TRPV6: variants seen among roughly 807,000 people sequenced by gnomAD.
TRPV6 encodes the protein Alu-binding protein with zinc finger domain.
In TRPV6, 39 loss-of-function variants were observed where a neutral mutation model predicts 79.0. The ratio of observed to expected loss-of-function variants is 0.49; its 90% CI spans 0.38 to 0.64. The LOEUF (loss-of-function observed/expected upper bound fraction) is 0.64, where lower values mean the gene tolerates loss of function less well. Ranked by LOEUF, TRPV6 falls within the 30% of genes least tolerant of loss-of-function variation. TRPV6 has a pLI of 0.00. For missense variants in TRPV6, 813 were observed against 1,011.1 expected (o/e 0.80, Z 2.66); for synonymous variants, 373 against 391.9 (o/e 0.95, Z 0.57).
intron 1 of TRPV6, 29 bp downstream of exon 1, chr7:142,885,360 G>A (rs1248197302): frequency 6.3e-7 from 1 of 1,593,026 alleles, no homozygotes; most frequent in South Asian, 1.1e-5. Flanking sequence ...TGGGGAGGTG[G>A]GGAAGGGAGC....
At chr7:142,878,833 G>A (rs1795137002) in intron 1 of TRPV6, 1 of 152,206 alleles carries the variant, frequency 6.6e-6, no homozygotes, top group African/African-American at 2.4e-5. Flanking sequence ...AAATGGAAAT[G>A]CTCTGGCGGA....
Position 142,871,755 on chromosome 7 carries a change from T to A in TRPV6, c.2250A>T (p.Ile750=). 1 of 1,613,682 alleles carries A rather than the reference T, an allele frequency of 6.2e-7. No homozygotes were observed. The highest frequency in any genetic ancestry group is 8.5e-7 in the Non-Finnish European group (1 of 1,179,658). Residue 750 remains isoleucine (I), a synonymous_variant, in exon 15 of 15, where the codon ATA becomes ATT. Transcript: ENST00000359396. ...CCCCGTCCTCCAGACCCCTGTTGATTATCCCACGCAGGTCTCTCCTCAGGG... is the reference window on the plus strand; with the variant it reads ...CCCCGTCCTCCAGACCCCTGTTGATAATCCCACGCAGGTCTCTCCTCAGGG...
chr7:142,874,736 A>G (rs1262480466), intron 10 of TRPV6, 80 bp from the exon 11 acceptor site: 2 of 1,571,848 alleles, frequency 1.3e-6, no homozygotes, highest in Admixed American at 3.6e-5. Context: ...TAGCTGGGAA[A>G]GTACCCACAC....
chr7:142,878,209 A>G (rs1586191785), intron 1 of TRPV6, 183 bp from the exon 2 acceptor site: 2 of 605,942 alleles, frequency 3.3e-6, no homozygotes, highest in East Asian at 2.8e-5. Context: ...AGTAAATACA[A>G]TCAACTTTTT....
Position 142,873,686 on chromosome 7 carries a change from G to C in TRPV6, c.1670C>G (p.Pro557Arg). 1 of 1,614,176 alleles carries C rather than the reference G, an allele frequency of 6.2e-7. No homozygotes were observed. The highest frequency in any genetic ancestry group is 8.5e-7 in the Non-Finnish European group (1 of 1,180,030). The change falls in exon 13 of 15, where the codon CCC (proline) becomes CGC (arginine). Residue 557 changes from proline (P) to arginine (R), a missense_variant. This residue lies in a region of TRPV6 where 94 missense variants were observed against 194.0 expected (regional missense o/e 0.48). Transcript: ENST00000359396. The surrounding 1 kb of genome is among the most constrained non-coding windows in gnomAD (Gnocchi z 4.8). ...GTCGTAGAAGTGGCCTAGCTCCTCGGGGTCCTCTGTCTGGAAGATGATATA... is the reference window on the plus strand; with the variant it reads ...GTCGTAGAAGTGGCCTAGCTCCTCGCGGTCCTCTGTCTGGAAGATGATATA...
intron 1 of TRPV6, chr7:142,878,636 C>T (rs992890689): frequency 1.3e-5 from 2 of 153,584 alleles, no homozygotes; most frequent in Non-Finnish European, 2.9e-5. Context: ...GAACAGTGGA[C>T]CATAAGAACA....
chr7:142,874,873 A>G (rs757991354), intron 10 of TRPV6, 31 bp downstream of exon 10: 1 of 1,612,834 alleles, frequency 6.2e-7, no homozygotes, highest in East Asian at 2.2e-5. Context: ...CTGTTGAGGG[A>G]AGGGATGGGA....
In TRPV6 at chr7:142,877,867, C is replaced by T. The variant is rs1795111083; in HGVS notation, c.346+62G>A. 1.9e-5 allele frequency: 30 copies of T among 1,612,896 alleles called. 1 individual carries two copies. The South Asian group carries it at 3.0e-4, about 16-fold the overall frequency. The stretch of plus-strand genomic sequence containing the variant: ...GGCCAACAGCACGAGGTCCTGGGCA[C>T]TCCTGGGAGGCCCCATGTGTGGGGC... On this transcript the variant is annotated intron_variant, in intron 2 of 14. Transcript: ENST00000359396.
Position 142,873,821 on chromosome 7 carries a change from A to C in TRPV6, c.1640-105T>G. 2 of 1,501,044 alleles carry C rather than the reference A, an allele frequency of 1.3e-6. No individual in the cohort carries two copies. The highest frequency in any genetic ancestry group is 1.8e-6 in the Non-Finnish European group (2 of 1,093,682). 93.0% of individuals were successfully genotyped at this position (1,501,044 alleles called of 1,614,324 possible). A position where few individuals can be genotyped will look rare whatever the true frequency, so the allele number is the denominator to read the frequency against. ...ATCCTGGTCCCTTCATCTCAATATCACCAGCTCTGCAGTGCTCCAAACTTT... is the reference window on the plus strand; with the variant it reads ...ATCCTGGTCCCTTCATCTCAATATCCCCAGCTCTGCAGTGCTCCAAACTTT... On this transcript the variant is annotated intron_variant, in intron 12 of 14. Coordinates refer to ENST00000359396, the MANE Select transcript of TRPV6 (RefSeq NM_018646.6). This position sits in a 1 kb window ranked among gnomAD's most constrained non-coding sequence, Gnocchi z 4.8.
rs1390210288 is a variant in TRPV6 at position 142,873,913 on chromosome 7, C to G, written c.1639+163G>C. On this transcript the variant is annotated intron_variant, in intron 12 of 14. Transcript: ENST00000359396. This position sits in a 1 kb window ranked among gnomAD's most constrained non-coding sequence, Gnocchi z 4.8. The stretch of plus-strand genomic sequence containing the variant: ...TCCTAAGAGCCACCTCTCCCTAACA[C>G]TCCCGATTTTTCTCACCTCTGGAGG... 1 of 1,090,024 alleles carries G rather than the reference C, an allele frequency of 9.2e-7. No homozygotes were observed. The highest frequency in any genetic ancestry group is 1.6e-5 in the African/African-American group (1 of 63,410). The allele number at this position is 1,090,024 out of a possible 1,614,324, so 67.5% of individuals were successfully genotyped here. A position where few individuals can be genotyped will look rare whatever the true frequency, so the allele number is the denominator to read the frequency against.
rs935815543 is a variant in TRPV6, at chr7:142,871,810, C to T, written c.2195G>A (p.Ser732Asn). 3 of 1,614,214 alleles carry T rather than the reference C, an allele frequency of 1.9e-6. No homozygotes were observed. Among genetic ancestry groups the T allele is most frequent in the Non-Finnish European group, 2.5e-6 (3 of 1,180,034 alleles). The change falls in exon 15 of 15, where the codon AGT becomes AAT. Residue 732 changes from serine (S) to asparagine (N), a missense_variant. Physicochemically the swap from Ser to Asn is conservative, Grantham distance 46. Around this residue, in one of 3 missense-constraint regions of TRPV6, gnomAD observed 164 missense variants for 186.1 expected, o/e 0.88. Transcript: ENST00000359396. ...TTGCCGAAGCCTTTCCCAATTGGCA[C>T]TGCTGCGGGAGGTACTTCGAGACAC...
chr7:142,876,286 T>A (rs1795066555), intron 6 of TRPV6, 122 bp downstream of exon 6: 1 of 1,423,966 alleles, frequency 7.0e-7, no homozygotes, highest in African/African-American at 1.4e-5. Context: ...GGTTGAAAAA[T>A]TTCTGAGTTG....
At chr7:142,877,026 G>T in intron 4 of TRPV6, 116 bp downstream of exon 4, 1 of 1,466,830 alleles carries the variant, frequency 6.8e-7, no homozygotes, top group Non-Finnish European at 9.1e-7. Context: ...TAGAAGGATT[G>T]CTCCTCCCAG....
intron 6 of TRPV6, 131 bp downstream of exon 6, chr7:142,876,277 G>A: frequency 1.5e-6 from 2 of 1,366,922 alleles, no homozygotes; most frequent in South Asian, 2.9e-5. Context: ...AGTGGGAGGG[G>A]TTGAAAAATT....
At position 142,873,705 on chromosome 7, in the gene TRPV6, T is replaced by C. The variant is rs767663588; in HGVS notation, c.1651A>G (p.Ile551Val). The C allele has an allele frequency of 4.3e-6, 7 of 1,614,090 alleles. No homozygotes were observed. Among genetic ancestry groups the C allele is most frequent in the East Asian group, 2.2e-5 (1 of 44,862 alleles). ...TCCTCGGGGTCCTCTGTCTGGAAGA[T>C]GATATAGAAGGCTGCTCCACCCAAG... Residue 551 changes from isoleucine to valine, a missense_variant, in exon 13 of 15, where the codon ATC becomes GTC. Ile to Val is a conservative substitution (Grantham distance 29, BLOSUM62 3). Around this residue, in one of 3 missense-constraint regions of TRPV6, gnomAD observed 94 missense variants for 194.0 expected, o/e 0.48. Coordinates refer to ENST00000359396, the MANE Select transcript of TRPV6 (RefSeq NM_018646.6). The surrounding 1 kb of genome is among the most constrained non-coding windows in gnomAD (Gnocchi z 4.8).
intron 1 of TRPV6, chr7:142,881,125 C>T (rs1054069596): frequency 6.6e-6 from 1 of 152,162 alleles, no homozygotes; most frequent in African/African-American, 2.4e-5. Flanking sequence ...AGCTCACCTG[C>T]TTGGGAGTAA....
chr7:142,872,007 A>T lies in TRPV6; in HGVS notation c.2016-18T>A, dbSNP rs761775819. On this transcript the variant is annotated intron_variant, in intron 14 of 14. Coordinates refer to ENST00000359396, the MANE Select transcript of TRPV6 (RefSeq NM_018646.6). ...CTTCCACCCTGTGGAATGCGGGAGG[A>T]CTTGAGACACAGCCAGGACTTGAAG... 67 of 1,562,544 alleles carry T rather than the reference A, an allele frequency of 4.3e-5. No homozygotes were observed. Among genetic ancestry groups the T allele is most frequent in the Admixed American group, 7.3e-5 (4 of 54,702 alleles).
chr7:142,877,254 A>G lies in TRPV6; in HGVS notation c.495T>C (p.Val165=), dbSNP rs1795094422. ...GCACCAGGTTCATGTTCTGGTTCAC[A>G]ACAGCGATGTGCAGTGCAGTCTGAC... Residue 165 remains valine (V), a synonymous_variant, in exon 4 of 15, where the codon GTT becomes GTC. Transcript: ENST00000359396. 3 of 1,614,090 alleles carry G rather than the reference A, an allele frequency of 1.9e-6. No homozygotes were observed. The highest frequency in any genetic ancestry group is 1.7e-6 in the Non-Finnish European group (2 of 1,180,026).
intron 1 of TRPV6, 176 bp downstream of exon 1, chr7:142,885,213 C>A (rs1586197680): frequency 1.6e-6 from 1 of 633,642 alleles, no homozygotes; most frequent in East Asian, 3.0e-5. Context: ...TCCTCTTTCA[C>A]CAGCCCTACA....
Sources: allele counts gnomAD v4.1 joint callset, GRCh38; gene constraint gnomAD v4.1.1; regional missense constraint gnomAD v4.1.1; non-coding constraint Gnocchi (gnomAD v3.1); transcripts MANE v1.5; gene names NCBI Gene and HGNC (gene_info 2026-07-23, HGNC 2026-07-21).